Variants in SYBU observed in about 807,000 individuals in gnomAD.
SYBU encodes syntabulin.
A neutral mutation model predicts 35.9 loss-of-function variants in SYBU; 21 were observed. The ratio of observed to expected loss-of-function variants is 0.58; its 90% CI spans 0.41 to 0.84. SYBU has a LOEUF of 0.84. Among genes scored for constraint, SYBU ranks in the 40% least tolerant of loss-of-function variants. The pLI is 0.00. For missense variants in SYBU, 768 were observed against 848.2 expected, an observed-to-expected ratio of 0.91 and a Z score of 1.17; for synonymous variants, 319 against 324.3, an observed-to-expected ratio of 0.98 and a Z score of 0.18.
At position 109,588,767 on chromosome 8, in the gene SYBU, T is replaced by C. The variant is rs533648449; in HGVS notation, c.428-2605A>G. On this transcript the variant is annotated intron_variant, in intron 3 of 6. Transcript: ENST00000276646. ...ACAAAGATACAAGGAAGGAGAGGCA[T>C]TCTTTATTCATTTCCTTTAAACAGT... is the stretch of plus-strand genomic sequence containing the variant. Among the ~76,000 whole-genome samples, 307 of 150,026 alleles carry C rather than the reference T, an allele frequency of 2.0e-3. 1 individual carries two copies. The highest frequency in any genetic ancestry group is 7.1e-3 in the African/African-American group (289 of 40,550).
At chr8:109,599,742 C>T (rs1214012167) in intron 3 of SYBU, among the ~76,000 whole-genome samples, 1 of 152,202 alleles carries the variant, frequency 6.6e-6, no homozygotes, top group Non-Finnish European at 1.5e-5. Flanking sequence ...CCTCATTAGG[C>T]AATTCCCTTG....
intron 2 of SYBU, among the ~76,000 whole-genome samples, chr8:109,642,100 T>C (rs962863843): frequency 6.6e-6 from 1 of 152,170 alleles, no homozygotes. Context: ...GTGGCACATA[T>C]ACACCAAGGA....
chr8:109,651,547 C>G lies in SYBU; in HGVS notation c.-129+29164G>C, dbSNP rs79442381. On this transcript the variant is annotated intron_variant, in intron 1 of 5. Coordinates refer to the SYBU transcript ENST00000408889. ...TCAACATTCAGTATGTGCACATTAG[C>G]TAAAAAGGAAAGAAGAACCAGTTGC... Among the ~76,000 whole-genome samples the G allele has an allele frequency of 8.7e-3, 1,200 of 138,722 alleles. 30 individuals are homozygous for G. The East Asian group carries it at 0.097, about 11-fold the overall frequency. The allele number at this position is 138,722 out of a possible 152,430, so 91.0% of individuals were successfully genotyped here.
chr8:109,621,110 T>TA (rs1337242402), intron 2 of SYBU, among the ~76,000 whole-genome samples: 1 of 152,218 alleles, frequency 6.6e-6, no homozygotes, highest in African/African-American at 2.4e-5. Flanking sequence ...GTGTCTAACC[T>TA]AAAAAACTCA....
intron 3 of SYBU, among the ~76,000 whole-genome samples, chr8:109,615,355 A>G (rs192180447): frequency 2.6e-5 from 4 of 152,280 alleles, no homozygotes; most frequent in East Asian, 1.9e-4. Context: ...ACCTGAGAGC[A>G]GTATCCTCTT....
chr8:109,680,786 G>A (rs1817376554), exon 1 of SYBU: 1 of 152,222 alleles, frequency 6.6e-6, no homozygotes, highest in Admixed American at 6.5e-5. Flanking sequence ...CAGTTCTGGA[G>A]TCAAGGACTG....
chr8:109,618,851 CA>C lies in SYBU; in HGVS notation c.417del (p.Val140Ter). On this transcript the variant is annotated frameshift_variant, in exon 3 of 7. Transcript: ENST00000276646. LOFTEE classifies it high-confidence loss of function. ...SRYKKESKSG[L>X]VKPGSEADFS... ...GAGTAAGTTCACTGACCTGGTTTCA[CA>C]AGGCCTGACTTTGATTCCTTCTTAT... The C allele has an allele frequency of 6.2e-7, 1 of 1,614,108 alleles. No homozygotes were observed. Among genetic ancestry groups the C allele is most frequent in the Non-Finnish European group, 8.5e-7 (1 of 1,179,952 alleles).
chr8:109,674,663 A>G (rs1391601435), intron 1 of SYBU, among the ~76,000 whole-genome samples: 1 of 152,104 alleles, frequency 6.6e-6, no homozygotes, highest in African/African-American at 2.4e-5. Flanking sequence ...GAGACCTACA[A>G]AAGGACTTAG....
At chr8:109,661,851 C>A (rs185495434) in intron 1 of SYBU, among the ~76,000 whole-genome samples, 56 of 152,276 alleles carry the variant, frequency 3.7e-4, no homozygotes, top group Admixed American at 4.6e-4. Flanking sequence ...AACTTTATTA[C>A]CCCAAGAAAT....
intron 3 of SYBU, among the ~76,000 whole-genome samples, chr8:109,618,147 T>A (rs1347867783): frequency 2.0e-5 from 3 of 152,216 alleles, no homozygotes; most frequent in South Asian, 2.1e-4. Context: ...TACCTCCCAA[T>A]GACGATGAAC....
intron 1 of SYBU, among the ~76,000 whole-genome samples, chr8:109,657,944 T>C (rs76917321): frequency 0.011 from 1,741 of 152,344 alleles, 11 homozygotes; most frequent in Middle Eastern, 0.051. Context: ...TGAATAGCAT[T>C]AGCATAAATA....
chr8:109,687,978 T>C (rs1817558816), intron 1 of SYBU, among the ~76,000 whole-genome samples: 1 of 152,204 alleles, frequency 6.6e-6, no homozygotes, highest in African/African-American at 2.4e-5. Context: ...ATTTTTAATT[T>C]AATATTTTCT....
upstream of SYBU, among the ~76,000 whole-genome samples, chr8:109,683,747 T>A (rs1817457644): frequency 6.6e-6 from 1 of 152,100 alleles, no homozygotes; most frequent in Admixed American, 6.5e-5. Context: ...AAATTGTAGT[T>A]CCCATAATCT....
intron 1 of SYBU, among the ~76,000 whole-genome samples, chr8:109,649,863 A>T (rs1272424737): frequency 2.0e-5 from 3 of 152,240 alleles, no homozygotes; most frequent in East Asian, 3.8e-4. Context: ...AAAGGTTGCC[A>T]TCTAAGTAGG....
chr8:109,622,445 C>G (rs574979080), intron 2 of SYBU, among the ~76,000 whole-genome samples: 1 of 152,174 alleles, frequency 6.6e-6, no homozygotes, highest in Non-Finnish European at 1.5e-5. Flanking sequence ...GTTGGCCAGG[C>G]TCGCCTTGAA....
At chr8:109,685,111 C>T (rs1439902136), upstream of SYBU, among the ~76,000 whole-genome samples, 2 of 152,158 alleles carry the variant, frequency 1.3e-5, no homozygotes, top group Non-Finnish European at 1.5e-5. Flanking sequence ...TAATTACCGA[C>T]TGGGTTACTT....
At chr8:109,605,375 C>T (rs1320078255) in intron 3 of SYBU, among the ~76,000 whole-genome samples, 1 of 152,152 alleles carries the variant, frequency 6.6e-6, no homozygotes, top group Non-Finnish European at 1.5e-5. Flanking sequence ...TTATGTTTAG[C>T]TAAACATATT....
chr8:109,610,101 C>A (rs974377997), intron 3 of SYBU, among the ~76,000 whole-genome samples: 6 of 152,176 alleles, frequency 3.9e-5, no homozygotes, highest in Non-Finnish European at 7.3e-5. Flanking sequence ...CATCCCCAAC[C>A]CTCCTTAAGC....
intron 2 of SYBU, among the ~76,000 whole-genome samples, chr8:109,622,791 G>A (rs960001508): frequency 6.6e-6 from 1 of 152,120 alleles, no homozygotes; most frequent in African/African-American, 2.4e-5. Context: ...AATTATCAAT[G>A]ACAAAGATTT....
Sources: allele counts gnomAD v4.1 joint callset (sites outside exome capture counted in the v4.1 genomes callset), GRCh38; gene constraint gnomAD v4.1.1; transcripts MANE v1.5; gene names NCBI Gene and HGNC (gene_info 2026-07-23, HGNC 2026-07-21).